Variants in LIMS1 observed in about 807,000 individuals in gnomAD.
LIMS1 encodes LIM zinc finger domain containing 1.
In LIMS1, 18 loss-of-function variants were observed where a neutral mutation model predicts 44.1. The ratio of observed to expected loss-of-function variants is 0.41; its 90% CI spans 0.28 to 0.61. The LOEUF is 0.61. Ranked by LOEUF, LIMS1 falls within the 20% of genes least tolerant of loss-of-function variation. The pLI, the probability that LIMS1 is intolerant of heterozygous loss-of-function variation, is 0.32. For synonymous variants in LIMS1, 93 were observed against 149.1 expected, an observed-to-expected ratio of 0.62 and a Z score of 2.74; for missense variants, 201 against 422.0, an observed-to-expected ratio of 0.48 and a Z score of 4.59.
chr2:108,574,726 C>T (rs1470646696), intron 1 of LIMS1, among the ~76,000 whole-genome samples: 1 of 152,222 alleles, frequency 6.6e-6, no homozygotes, highest in African/African-American at 2.4e-5. Flanking sequence ...TGTCCAAGGT[C>T]ATCATTCCCG....
At chr2:108,659,122 T>G in intron 1 of LIMS1, 1 of 981,330 alleles carries the variant, frequency 1.0e-6, no homozygotes, top group Non-Finnish European at 1.2e-6. Context: ...TCCACAGGAT[T>G]TAATCAAAGG....
intron 1 of LIMS1, among the ~76,000 whole-genome samples, chr2:108,630,454 A>G (rs1688847162): frequency 6.6e-6 from 1 of 152,210 alleles, no homozygotes; most frequent in Admixed American, 6.5e-5. Flanking sequence ...TCACGACTTG[A>G]TGACTGTTGG....
At chr2:108,575,286 T>TA (rs58537398) in intron 1 of LIMS1, among the ~76,000 whole-genome samples, 58,833 of 151,946 alleles carry the variant, frequency 0.39, 12,831 homozygotes, top group East Asian at 0.89. Flanking sequence ...CAAACATAGT[T>TA]ATATGCTCGT....
At position 108,645,043 on chromosome 2, in the gene LIMS1, C is replaced by T. The variant is rs543879564; in HGVS notation, c.33-14562C>T. Among the ~76,000 whole-genome samples, 22 of 152,076 alleles carry T rather than the reference C, an allele frequency of 1.4e-4. 1 individual carries two copies. Among genetic ancestry groups the T allele is most frequent in the Admixed American group, 6.5e-4 (10 of 15,282 alleles). On this transcript the variant is annotated intron_variant, in intron 1 of 9. Transcript: ENST00000544547. ...GTTTGATTGGTATACCTGAAAGTGA[C>T]GGGGAGAATGGAACCAAGTTGGAAA... is the stretch of plus-strand genomic sequence containing the variant.
chr2:108,567,066 T>C (rs1685316956), intron 1 of LIMS1, among the ~76,000 whole-genome samples: 2 of 152,228 alleles, frequency 1.3e-5, no homozygotes, highest in African/African-American at 4.8e-5. Context: ...ACTTTCAATG[T>C]CTATAAATTT....
intron 8 of LIMS1, among the ~76,000 whole-genome samples, chr2:108,680,262 G>T (rs1480511892): frequency 6.7e-6 from 1 of 150,126 alleles, no homozygotes; most frequent in Non-Finnish European, 1.5e-5. Context: ...AGCTACTTGG[G>T]AAAATGAGGC....
rs539974052 is a variant in LIMS1 at position 108,606,447 on chromosome 2, G to A, written c.33-53158G>A. 5.9e-5 allele frequency among the ~76,000 whole-genome samples: 9 copies of A among 152,222 alleles called. No individual in the cohort carries two copies. The South Asian group carries it at 1.2e-3, about 21-fold the overall frequency. On this transcript the variant is annotated intron_variant, in intron 1 of 9. Coordinates refer to ENST00000544547, the Ensembl canonical transcript of LIMS1. ...CGAGGACTTTTTTTGGAAGGGGGGC[G>A]GATTTCAGTATATGTGCATGTGTGT...
At chr2:108,547,959 A>G (rs1417184218) in intron 1 of LIMS1, among the ~76,000 whole-genome samples, 2 of 152,214 alleles carry the variant, frequency 1.3e-5, no homozygotes, top group African/African-American at 4.8e-5. Flanking sequence ...GAGTGTGGGT[A>G]GTGATATTTT....
chr2:108,570,867 T>G (rs949525302), intron 1 of LIMS1, among the ~76,000 whole-genome samples: 2 of 152,322 alleles, frequency 1.3e-5, no homozygotes, highest in African/African-American at 4.8e-5. Flanking sequence ...ATCCCCTAAG[T>G]GTTAGCCGTC....
chr2:108,657,604 C>T (rs1172105180), intron 1 of LIMS1, among the ~76,000 whole-genome samples: 11 of 152,288 alleles, frequency 7.2e-5, no homozygotes, highest in South Asian at 2.1e-4. Context: ...CAAAGCTGGG[C>T]GATGATGAGA....
intron 1 of LIMS1, among the ~76,000 whole-genome samples, chr2:108,638,589 A>G (rs1196808333): frequency 1.3e-5 from 2 of 151,684 alleles, no homozygotes; most frequent in Admixed American, 1.3e-4. Context: ...ACCACTAAAA[A>G]TACAAAAATT....
upstream of LIMS1, chr2:108,534,263 GCCCCGCCCCGCAA>G (rs1396866519): frequency 2.9e-4 from 48 of 166,034 alleles, no homozygotes; most frequent in East Asian, 7.4e-3. Context: ...TCTGATGCGC[GCCCCGCCCCGCAA>G]CGCCCCGCCC....
At chr2:108,673,696 C>A (rs1692298646) in intron 5 of LIMS1, 1 of 152,346 alleles carries the variant, frequency 6.6e-6, no homozygotes, top group African/African-American at 2.4e-5. Context: ...GCCAGAACCA[C>A]AATACTCTTA....
chr2:108,568,577 T>C (rs1188141273), intron 1 of LIMS1, among the ~76,000 whole-genome samples: 2 of 152,232 alleles, frequency 1.3e-5, no homozygotes, highest in Admixed American at 1.3e-4. Flanking sequence ...ATGGTAGTTC[T>C]ATTTTTAGTT....
intron 9 of LIMS1, among the ~76,000 whole-genome samples, chr2:108,683,088 G>A (rs1233555507): frequency 6.6e-6 from 1 of 152,142 alleles, no homozygotes; most frequent in Non-Finnish European, 1.5e-5. Context: ...TCTTCAAATA[G>A]CTACCGCTTA....
At chr2:108,682,519 A>T (rs1306530622) in intron 9 of LIMS1, among the ~76,000 whole-genome samples, 2 of 152,186 alleles carry the variant, frequency 1.3e-5, no homozygotes, top group Non-Finnish European at 2.9e-5. Context: ...AAAATAAAAA[A>T]GATTAAAACT....
At chr2:108,625,329 C>T (rs369148241) in intron 1 of LIMS1, among the ~76,000 whole-genome samples, 10 of 152,318 alleles carry the variant, frequency 6.6e-5, no homozygotes, top group African/African-American at 1.4e-4. Flanking sequence ...TTTTCTGCTA[C>T]GCTGGCAAAG....
chr2:108,683,895 G>A, exon 10 of LIMS1: 1 of 1,561,448 alleles, frequency 6.4e-7, no homozygotes, highest in Non-Finnish European at 8.7e-7. Context: ...GAATAAGTTT[G>A]TGGAGTTTGA....
intron 1 of LIMS1, among the ~76,000 whole-genome samples, chr2:108,611,235 T>C (rs1349164435): frequency 1.3e-5 from 2 of 152,218 alleles, no homozygotes; most frequent in Admixed American, 6.5e-5. Flanking sequence ...GGAATAATAA[T>C]AGTACTGTTT....
Sources: gnomAD v4.1 joint callset for allele counts (sites outside exome capture counted in the v4.1 genomes callset) on GRCh38, gnomAD v4.1.1 for gene constraint, MANE v1.5 for transcripts, NCBI Gene and HGNC (gene_info 2026-07-23, HGNC 2026-07-21) for gene names.